The following MYO5B variants were observed in gnomAD, a reference collection of about 807,000 sequenced individuals.
The protein encoded by MYO5B is myosin VB, also known as unconventional myosin-Vb.
MYO5B carries 143 observed loss-of-function variants against 229.3 expected under a neutral mutation model. The observed-to-expected ratio is 0.62, with a 90% confidence interval of 0.54 to 0.72. The LOEUF (loss-of-function observed/expected upper bound fraction) is 0.72. Ranked by LOEUF, MYO5B falls within the 30% of genes least tolerant of loss-of-function variation. MYO5B has a pLI of 0.00. For missense variants in MYO5B, 2,321 were observed against 2,331.0 expected (o/e 1.00, Z 0.09); for synonymous variants, 918 against 885.2 (o/e 1.04, Z -0.66).
At chr18:49,956,262 G>C (rs1303027693) in intron 12 of MYO5B, among the ~76,000 whole-genome samples, 1 of 152,206 alleles carries the variant, frequency 6.6e-6, no homozygotes, top group Non-Finnish European at 1.5e-5. Flanking sequence ...CATTTTAGAT[G>C]TATCAACTCA....
At chr18:49,828,626 C>G (rs371368162) in intron 39 of MYO5B, among the ~76,000 whole-genome samples, 3 of 152,250 alleles carry the variant, frequency 2.0e-5, no homozygotes, top group East Asian at 3.9e-4. Flanking sequence ...CATACACATT[C>G]TTCTCAATGC....
intron 1 of MYO5B, among the ~76,000 whole-genome samples, chr18:50,073,131 T>A (rs183835000): frequency 6.6e-6 from 1 of 152,342 alleles, no homozygotes; most frequent in East Asian, 1.9e-4. Flanking sequence ...AGTATACTTA[T>A]AACGATCAAG....
intron 6 of MYO5B, among the ~76,000 whole-genome samples, chr18:49,991,474 G>T (rs1294710511): frequency 1.3e-5 from 2 of 152,184 alleles, no homozygotes; most frequent in African/African-American, 2.4e-5. Flanking sequence ...TATCGGCGTT[G>T]TGAGTTGCAC....
rs1395596348 is a variant in MYO5B at position 49,823,816 on chromosome 18, A to G, written c.*2655T>C. 1 of 152,632 alleles carries G rather than the reference A, an allele frequency of 6.6e-6. No homozygotes were observed. The highest frequency in any genetic ancestry group is 1.5e-5 in the Non-Finnish European group (1 of 68,042). 9.5% of individuals were successfully genotyped at this position (152,632 alleles called of 1,614,324 possible). A position where few individuals can be genotyped will look rare whatever the true frequency, so the allele number is the denominator to read the frequency against. Reference sequence around the variant, plus strand: ...ACTCATGTGTACATTCACATTTACTATAAGTAAACAGGTCCCGTATAATAC... The same window carrying G: ...ACTCATGTGTACATTCACATTTACTGTAAGTAAACAGGTCCCGTATAATAC... On this transcript the variant is annotated 3_prime_UTR_variant, in exon 40 of 40. Coordinates refer to ENST00000285039, the MANE Select transcript of MYO5B (RefSeq NM_001080467.3).
intron 12 of MYO5B, among the ~76,000 whole-genome samples, chr18:49,956,745 A>G (rs543835588): frequency 6.6e-6 from 1 of 152,302 alleles, no homozygotes; most frequent in South Asian, 2.1e-4. Flanking sequence ...AGCCGGGACC[A>G]TAGCTCAGTC....
At chr18:49,993,436 T>C (rs1020987129) in intron 5 of MYO5B, among the ~76,000 whole-genome samples, 2 of 151,922 alleles carry the variant, frequency 1.3e-5, no homozygotes, top group Non-Finnish European at 2.9e-5. Context: ...AAGCAAAAGG[T>C]CACAAAGTTG....
intron 4 of MYO5B, among the ~76,000 whole-genome samples, chr18:50,031,899 A>G (rs545179723): frequency 2.6e-5 from 4 of 152,294 alleles, no homozygotes; most frequent in Admixed American, 2.0e-4. Flanking sequence ...ATGGATCCCT[A>G]TCTTGGAAAC....
chr18:49,863,467 G>T (rs937150886), intron 28 of MYO5B, 140 bp from the exon 29 acceptor site: 11 of 743,660 alleles, frequency 1.5e-5, no homozygotes, highest in Non-Finnish European at 2.6e-5. Context: ...TCAAACCCAC[G>T]CCAGGAACAT....
chr18:50,107,077 C>G (rs943509162), intron 1 of MYO5B, among the ~76,000 whole-genome samples: 8 of 146,438 alleles, frequency 5.5e-5, no homozygotes, highest in South Asian at 2.2e-4. Context: ...TGGAGATTGC[C>G]TGGTCCAGGG....
At chr18:50,086,651 A>G (rs967732398) in intron 1 of MYO5B, among the ~76,000 whole-genome samples, 4 of 152,210 alleles carry the variant, frequency 2.6e-5, no homozygotes, top group East Asian at 3.8e-4. Flanking sequence ...TTTGGAACCA[A>G]AGATAATTTC....
In MYO5B at chr18:49,823,228, C is replaced by T. The variant is rs1186671843; in HGVS notation, c.*3243G>A. On this transcript the variant is annotated 3_prime_UTR_variant, in exon 40 of 40. Coordinates refer to ENST00000285039, the MANE Select transcript of MYO5B (RefSeq NM_001080467.3). Reference sequence around the variant, plus strand: ...TGGCATTAACCTCTGTCTACACCCTCTAATTCTCTAATTATGGCACCAGTG... The same window carrying T: ...TGGCATTAACCTCTGTCTACACCCTTTAATTCTCTAATTATGGCACCAGTG... 6.6e-6 allele frequency: 1 copy of T among 152,286 alleles called. No homozygotes were observed. Among genetic ancestry groups the T allele is most frequent in the Non-Finnish European group, 1.5e-5 (1 of 68,052 alleles). 9.4% of individuals were successfully genotyped at this position (152,286 alleles called of 1,614,324 possible).
intron 4 of MYO5B, among the ~76,000 whole-genome samples, chr18:50,007,405 A>G (rs17715739): frequency 0.11 from 16,077 of 152,196 alleles, 1,143 homozygotes; most frequent in Non-Finnish European, 0.16. Context: ...ATACATTACA[A>G]TAGCAGCTTT....
At position 49,904,828 on chromosome 18, in the gene MYO5B, C is replaced by G. The variant is rs770424446; in HGVS notation, c.2415G>C (p.Arg805Ser). Residue 805 changes from arginine to serine, a missense_variant and splice_region_variant, in exon 20 of 40, where the codon AGG becomes AGC. Coordinates refer to ENST00000285039, the MANE Select transcript of MYO5B (RefSeq NM_001080467.3). ...QRYCRGHLAR[R>S]LAEHLRRIRA... is the part of the protein sequence containing the mutation. ...TGATCCTCCGCAGGTGCTCAGCCAGCCTGGGGAGCAAGAGGAAACAGGCAG... is the reference window on the plus strand; with the variant it reads ...TGATCCTCCGCAGGTGCTCAGCCAGGCTGGGGAGCAAGAGGAAACAGGCAG... 7 of 1,613,628 alleles carry G rather than the reference C, an allele frequency of 4.3e-6. No homozygotes were observed. In the South Asian group the frequency reaches 5.5e-5, roughly 13 times the overall value.
chr18:49,863,442 CAG>C, intron 28 of MYO5B, 115 bp from the exon 29 acceptor site: 1 of 854,674 alleles, frequency 1.2e-6, no homozygotes, highest in Non-Finnish European at 1.9e-6. Flanking sequence ...CTGGAAAGAA[CAG>C]AGATAACCAC....
At chr18:50,081,232 T>C (rs543155491) in intron 1 of MYO5B, among the ~76,000 whole-genome samples, 8 of 152,284 alleles carry the variant, frequency 5.3e-5, no homozygotes, top group East Asian at 1.9e-4. Context: ...TCAGAATGAA[T>C]TATCTCCTAA....
rs935624991 is a variant in MYO5B, at chr18:49,853,363, T to C, written c.4221+86A>G. 92 of 1,364,488 alleles carry C rather than the reference T, an allele frequency of 6.7e-5. No homozygotes were observed. The African/African-American group carries it at 1.2e-3, about 18-fold the overall frequency. 84.5% of individuals were successfully genotyped at this position (1,364,488 alleles called of 1,614,324 possible). A position where few individuals can be genotyped will look rare whatever the true frequency, so the allele number is the denominator to read the frequency against. On this transcript the variant is annotated intron_variant, in intron 31 of 39. Coordinates refer to ENST00000285039, the MANE Select transcript of MYO5B (RefSeq NM_001080467.3). ...ATAGGGCCAAGGGTCATGAACCTTG[T>C]CAGTTTTGCCAAAGGCAACCCCGAT... is the stretch of plus-strand genomic sequence containing the variant.
intron 21 of MYO5B, 45 bp downstream of exon 21, chr18:49,902,549 G>C (rs373931058): frequency 6.9e-6 from 11 of 1,603,272 alleles, no homozygotes; most frequent in Non-Finnish European, 9.3e-6. Context: ...AAATGCTCCA[G>C]TACCCAAGCC....
chr18:49,970,252 T>C (rs7227513), intron 10 of MYO5B, among the ~76,000 whole-genome samples: 6,921 of 152,170 alleles, frequency 0.045, 466 homozygotes, highest in African/African-American at 0.15. Context: ...CACAGATCCT[T>C]GGTTAAGGTG....
intron 17 of MYO5B, 134 bp downstream of exon 17, chr18:49,929,378 C>A: frequency 1.4e-6 from 1 of 704,802 alleles, no homozygotes; most frequent in East Asian, 2.7e-5. Context: ...CAGCATCCTG[C>A]TTGGGCCTCA....
Sources: gnomAD v4.1 joint callset for allele counts (sites outside exome capture counted in the v4.1 genomes callset) on GRCh38, gnomAD v4.1.1 for gene constraint, MANE v1.5 for transcripts, NCBI Gene and HGNC (gene_info 2026-07-23, HGNC 2026-07-21) for gene names.